NOL4: variants seen among roughly 807,000 people sequenced by gnomAD.
NOL4 encodes the protein nucleolar protein 4, also known as cancer/testis antigen 125.
Under a neutral mutation model 75.9 loss-of-function variants are expected in NOL4, and 17 were observed. The observed-to-expected ratio is 0.22, with a 90% confidence interval of 0.15 to 0.34. The LOEUF (loss-of-function observed/expected upper bound fraction) is 0.34, where lower values mean the gene tolerates loss of function less well. Ranked by LOEUF, NOL4 falls within the 10% of genes least tolerant of loss-of-function variation. NOL4 has a pLI of 1.00. For missense variants in NOL4, 614 were observed against 793.5 expected, an observed-to-expected ratio of 0.77 and a Z score of 2.72; for synonymous variants, 292 against 289.9, an observed-to-expected ratio of 1.01 and a Z score of -0.07.
intron 4 of NOL4, 38 bp from the exon 5 acceptor site, chr18:34,093,635 G>A (rs763916794): frequency 7.7e-5 from 111 of 1,446,886 alleles, no homozygotes; most frequent in Non-Finnish European, 9.6e-5. Flanking sequence ...GCATTTTAAC[G>A]TATAATACGT....
chr18:34,057,794 T>C (rs1431067760), intron 5 of NOL4, among the ~76,000 whole-genome samples: 1 of 152,170 alleles, frequency 6.6e-6, no homozygotes, highest in African/African-American at 2.4e-5. Flanking sequence ...CAAGTTAATA[T>C]AAAATACTGC....
intron 5 of NOL4, among the ~76,000 whole-genome samples, chr18:34,042,428 C>T (rs1299285658): frequency 5.3e-5 from 8 of 152,020 alleles, no homozygotes; most frequent in African/African-American, 1.9e-4. Context: ...TTACAAATCC[C>T]AGTGGATTCA....
chr18:34,180,367 A>G (rs1333772767), intron 1 of NOL4, among the ~76,000 whole-genome samples: 4 of 151,620 alleles, frequency 2.6e-5, no homozygotes, highest in African/African-American at 4.8e-5. Context: ...ATATCTCATA[A>G]AATAAAGTAA....
At position 33,859,251 on chromosome 18, in the gene NOL4, G is replaced by C. The variant is rs1005373928; in HGVS notation, c.1724-6216C>G. ...AAATTAGTTATATTCCATAAATCTA[G>C]TTATGTAGCATTTTCATCTTTGATA... On this transcript the variant is annotated intron_variant, in intron 10 of 10. Coordinates refer to ENST00000261592, the MANE Select transcript of NOL4 (RefSeq NM_003787.5). 2.0e-5 allele frequency among the ~76,000 whole-genome samples: 3 copies of C among 151,936 alleles called. No homozygotes were observed. The East Asian group carries it at 5.8e-4, about 29-fold the overall frequency.
intron 9 of NOL4, among the ~76,000 whole-genome samples, chr18:33,922,706 A>C (rs2067112311): frequency 6.6e-6 from 1 of 152,216 alleles, no homozygotes; most frequent in Non-Finnish European, 1.5e-5. Flanking sequence ...TGTGCTACTG[A>C]AACTAATATA....
intron 5 of NOL4, among the ~76,000 whole-genome samples, chr18:34,050,350 T>C (rs2076576731): frequency 1.3e-5 from 2 of 152,146 alleles, no homozygotes; most frequent in Non-Finnish European, 2.9e-5. Context: ...AAACAACATA[T>C]GGTTTACTTT....
intron 9 of NOL4, among the ~76,000 whole-genome samples, chr18:33,919,143 T>C (rs1457894406): frequency 6.6e-6 from 1 of 152,208 alleles, no homozygotes; most frequent in Non-Finnish European, 1.5e-5. Flanking sequence ...CTGGAAATAC[T>C]TGTAAGACCT....
intron 1 of NOL4, among the ~76,000 whole-genome samples, chr18:34,184,204 C>A (rs983398825): frequency 6.6e-6 from 1 of 151,754 alleles, no homozygotes; most frequent in African/African-American, 2.4e-5. Flanking sequence ...TGCAAACAGG[C>A]TCAGTGCTAA....
At chr18:34,051,906 A>T (rs907149008) in intron 5 of NOL4, among the ~76,000 whole-genome samples, 2 of 152,010 alleles carry the variant, frequency 1.3e-5, no homozygotes, top group African/African-American at 4.8e-5. Context: ...TAAAATTTTA[A>T]TTTTAAAAAG....
At chr18:33,906,879 C>A (rs1329248732) in intron 9 of NOL4, among the ~76,000 whole-genome samples, 2 of 152,164 alleles carry the variant, frequency 1.3e-5, no homozygotes, top group African/African-American at 4.8e-5. Context: ...ATCCCCCAGA[C>A]ACTTTCACAC....
At chr18:33,880,679 T>A (rs1377463537) in intron 10 of NOL4, among the ~76,000 whole-genome samples, 1 of 152,104 alleles carries the variant, frequency 6.6e-6, no homozygotes, top group East Asian at 1.9e-4. Flanking sequence ...GTATGTTTCA[T>A]GAAGTTGGAG....
chr18:34,038,314 T>C (rs541576381), intron 5 of NOL4, among the ~76,000 whole-genome samples: 2 of 152,188 alleles, frequency 1.3e-5, no homozygotes, highest in East Asian at 1.9e-4. Context: ...GTACAAGCAC[T>C]ATGAAAAACA....
At chr18:34,194,361 T>C (rs548924576) in intron 1 of NOL4, among the ~76,000 whole-genome samples, 2 of 147,478 alleles carry the variant, frequency 1.4e-5, no homozygotes, top group East Asian at 4.0e-4. Flanking sequence ...TAAATAAATA[T>C]TTTAAAAGCA....
intron 2 of NOL4, among the ~76,000 whole-genome samples, chr18:34,113,876 C>T (rs2079725881): frequency 6.6e-6 from 1 of 152,066 alleles, no homozygotes; most frequent in African/African-American, 2.4e-5. Context: ...GGCCTGTTCT[C>T]ATTTGCTGGG....
At chr18:34,183,255 C>A (rs2034187526) in intron 1 of NOL4, among the ~76,000 whole-genome samples, 1 of 151,008 alleles carries the variant, frequency 6.6e-6, no homozygotes, top group Non-Finnish European at 1.5e-5. Flanking sequence ...AAACACTTCA[C>A]CAAATAAAAT....
chr18:34,070,132 C>A (rs893028219), intron 5 of NOL4, among the ~76,000 whole-genome samples: 1 of 152,194 alleles, frequency 6.6e-6, no homozygotes. Context: ...TCCGGGTTCA[C>A]GCCATTCTCC....
At chr18:33,983,810 C>A (rs1040003001) in intron 6 of NOL4, among the ~76,000 whole-genome samples, 1 of 151,818 alleles carries the variant, frequency 6.6e-6, no homozygotes, top group African/African-American at 2.4e-5. Context: ...AGCTTAGTTG[C>A]CCTTTTGCAT....
intron 9 of NOL4, among the ~76,000 whole-genome samples, chr18:33,889,572 G>A (rs556207620): frequency 1.3e-5 from 2 of 152,202 alleles, no homozygotes; most frequent in Non-Finnish European, 2.9e-5. Context: ...AAGCCTGGTA[G>A]AGACACATCA....
intron 6 of NOL4, among the ~76,000 whole-genome samples, chr18:33,983,514 A>G (rs2072159758): frequency 6.6e-6 from 1 of 152,126 alleles, no homozygotes; most frequent in African/African-American, 2.4e-5. Context: ...ACACACATAT[A>G]TATGTATACA....
Sources: gnomAD v4.1 joint callset for allele counts (sites outside exome capture counted in the v4.1 genomes callset) on GRCh38, gnomAD v4.1.1 for gene constraint, MANE v1.5 for transcripts, NCBI Gene and HGNC (gene_info 2026-07-23, HGNC 2026-07-21) for gene names.